Variants in UGT2A1 observed in about 807,000 individuals in gnomAD.
UGT2A1 encodes UDP-glucuronosyltransferase 2A1.
A neutral mutation model predicts 45.4 loss-of-function variants in UGT2A1; 61 were observed. The observed-to-expected ratio is 1.34, with a 90% CI of 1.09 to 1.66. The LOEUF (loss-of-function observed/expected upper bound fraction) is 1.66, where lower values mean the gene tolerates loss of function less well. Among genes scored for constraint, UGT2A1 ranks in the 40% most tolerant of loss-of-function variants. UGT2A1 has a pLI of 0.00. For missense variants in UGT2A1, 649 were observed against 574.3 expected (o/e 1.13, Z -1.33); for synonymous variants, 229 against 196.2 (o/e 1.17, Z -1.40).
chr4:69,593,868 A>G (rs572613381), intron 6 of UGT2A1, among the ~76,000 whole-genome samples: 1 of 151,898 alleles, frequency 6.6e-6, no homozygotes, highest in Admixed American at 6.6e-5. Context: ...CATACTTACT[A>G]ATTAGTTTAT....
At chr4:69,595,032 A>G (rs1372593326) in intron 5 of UGT2A1, 130 bp downstream of exon 5, 3 of 1,300,326 alleles carry the variant, frequency 2.3e-6, no homozygotes, top group Non-Finnish European at 2.1e-6. Context: ...ATGTAATTAT[A>G]TCTGCTTTAA....
intron 3 of UGT2A1, among the ~76,000 whole-genome samples, chr4:69,602,270 T>A (rs1449841095): frequency 7.3e-6 from 1 of 136,820 alleles, no homozygotes; most frequent in Non-Finnish European, 1.6e-5. Flanking sequence ...TAGAAAAGAA[T>A]TTCTTTACAC....
intron 1 of UGT2A1, 39 bp downstream of exon 1, chr4:69,653,149 A>G (rs1722617633): frequency 6.6e-6 from 1 of 152,194 alleles, no homozygotes; most frequent in Non-Finnish European, 1.5e-5. Flanking sequence ...TAAAATATAC[A>G]TTTTATATTG....
intron 6 of UGT2A1, among the ~76,000 whole-genome samples, chr4:69,592,609 G>A (rs1413516570): frequency 1.3e-5 from 2 of 152,012 alleles, no homozygotes; most frequent in African/African-American, 4.8e-5. Context: ...AATGCTCATG[G>A]TAAAAATAAT....
chr4:69,596,676 C>G (rs996458657), intron 4 of UGT2A1, among the ~76,000 whole-genome samples: 1 of 152,110 alleles, frequency 6.6e-6, no homozygotes, highest in Non-Finnish European at 1.5e-5. Context: ...CTCATGCCAT[C>G]GTGTCTGGCT....
chr4:69,648,066 G>A lies in UGT2A1; in HGVS notation c.-54-368C>T, dbSNP rs1426336769. On this transcript the variant is annotated intron_variant, in intron 1 of 6. Transcript: ENST00000286604. ...AAAACTCATTCAGAAATTTAAAGAT[G>A]TTAATGCTGTAAGTTTTTAAATTTT... Among the ~76,000 whole-genome samples, 4 of 151,792 alleles carry A rather than the reference G, an allele frequency of 2.6e-5. No individual in the cohort carries two copies. The East Asian group carries it at 7.7e-4, about 29-fold the overall frequency.
chr4:69,637,890 G>T (rs1459534662), intron 2 of UGT2A1, among the ~76,000 whole-genome samples: 4 of 148,910 alleles, frequency 2.7e-5, no homozygotes, highest in African/African-American at 7.5e-5. Flanking sequence ...AAGTAAAAAA[G>T]GAAGGAAGGC....
chr4:69,641,334 T>A (rs1414891947), intron 2 of UGT2A1, among the ~76,000 whole-genome samples: 1 of 151,950 alleles, frequency 6.6e-6, no homozygotes, highest in African/African-American at 2.4e-5. Context: ...GTAAAATGTA[T>A]ACAATCCTAT....
intron 3 of UGT2A1, among the ~76,000 whole-genome samples, chr4:69,632,674 A>T (rs937350682): frequency 1.3e-5 from 2 of 151,974 alleles, no homozygotes; most frequent in Admixed American, 6.6e-5. Context: ...CAGATCACAA[A>T]GTCAAGAGTT....
At chr4:69,607,101 G>A (rs1290056788) in intron 3 of UGT2A1, among the ~76,000 whole-genome samples, 9 of 137,012 alleles carry the variant, frequency 6.6e-5, no homozygotes, top group African/African-American at 1.5e-4. Flanking sequence ...AAAAGAGCCC[G>A]CATTGCCAAG....
At chr4:69,650,939 C>T (rs1722496386) in intron 1 of UGT2A1, among the ~76,000 whole-genome samples, 1 of 151,910 alleles carries the variant, frequency 6.6e-6, no homozygotes, top group Admixed American at 6.6e-5. Context: ...CCTGGATGTG[C>T]ATGACAAGCA....
At position 69,588,814 on chromosome 4, in the gene UGT2A1, A is replaced by G. The variant is rs567835738; in HGVS notation, c.*558T>C. The G allele has an allele frequency of 1.3e-5, 2 of 152,284 alleles. No homozygotes were observed. The highest frequency in any genetic ancestry group is 3.9e-4 in the East Asian group (2 of 5,160). 9.4% of individuals were successfully genotyped at this position (152,284 alleles called of 1,614,324 possible). A position where few individuals can be genotyped will look rare whatever the true frequency, so the allele number is the denominator to read the frequency against. On this transcript the variant is annotated 3_prime_UTR_variant, in exon 7 of 7. Coordinates refer to ENST00000286604, the MANE Select transcript of UGT2A1 (RefSeq NM_001252275.3). ...TTTTGTAGACATTTAATAGGGACGC[A>G]CGTCACACTTAAAATTCATTCTCTA...
At chr4:69,618,926 C>T (rs1720573214) in intron 3 of UGT2A1, among the ~76,000 whole-genome samples, 1 of 151,722 alleles carries the variant, frequency 6.6e-6, no homozygotes, top group Admixed American at 6.6e-5. Flanking sequence ...TTTTTAAAAA[C>T]TCAGGATCAA....
intron 1 of UGT2A1, among the ~76,000 whole-genome samples, chr4:69,651,186 T>G (rs1722506812): frequency 6.6e-6 from 1 of 152,136 alleles, no homozygotes; most frequent in Non-Finnish European, 1.5e-5. Flanking sequence ...CTAAATGAAG[T>G]TATATTCACA....
At chr4:69,636,897 C>T (rs1343222259) in intron 2 of UGT2A1, among the ~76,000 whole-genome samples, 1 of 152,134 alleles carries the variant, frequency 6.6e-6, no homozygotes, top group Non-Finnish European at 1.5e-5. Flanking sequence ...AGTTACTTGT[C>T]TGAGATCCCA....
intron 2 of UGT2A1, among the ~76,000 whole-genome samples, chr4:69,645,816 C>A (rs1282265711): frequency 2.6e-5 from 4 of 151,832 alleles, no homozygotes; most frequent in African/African-American, 7.2e-5. Flanking sequence ...TTAGCATCTT[C>A]CTCCATGTCT....
chr4:69,594,697 C>T lies in UGT2A1; in HGVS notation c.1085-1G>A. 6.2e-7 allele frequency: 1 copy of T among 1,612,196 alleles called. No individual in the cohort carries two copies. The highest frequency in any genetic ancestry group is 8.5e-7 in the Non-Finnish European group (1 of 1,179,026). On this transcript the variant is annotated splice_acceptor_variant, in intron 5 of 6. Transcript: ENST00000286604. LOFTEE classifies it high-confidence loss of function. ...ATAAAAGCTTTGGTTTTGGGATGTC[C>T]TAATTTGAGGATGGAGTGAGAAGTG...
At position 69,589,273 on chromosome 4, in the gene UGT2A1, C is replaced by T. The variant is rs4148311; in HGVS notation, c.*99G>A. ...GAAAATTTGGAAACAGGATGGGAGA[C>T]GTGTTTTTGTTAAACTCCTTTTGTC... On this transcript the variant is annotated 3_prime_UTR_variant, in exon 7 of 7. Transcript: ENST00000286604. The T allele has an allele frequency of 5.6e-4, 766 of 1,371,570 alleles. 4 individuals carry two copies. In the East Asian group the frequency reaches 0.014, roughly 25 times the overall value. 85.0% of individuals were successfully genotyped at this position (1,371,570 alleles called of 1,614,324 possible).
intron 3 of UGT2A1, among the ~76,000 whole-genome samples, chr4:69,619,245 T>A (rs1385070264): frequency 1.3e-5 from 2 of 151,212 alleles, no homozygotes; most frequent in Non-Finnish European, 3.0e-5. Flanking sequence ...AAAATAAAAA[T>A]AAAAAATTAG....
Sources: gnomAD v4.1 joint callset for allele counts (sites outside exome capture counted in the v4.1 genomes callset) on GRCh38, gnomAD v4.1.1 for gene constraint, MANE v1.5 for transcripts, NCBI Gene and HGNC (gene_info 2026-07-23, HGNC 2026-07-21) for gene names.